DTWD1: variants seen among roughly 807,000 people sequenced by gnomAD.
DTWD1 encodes tRNA-uridine aminocarboxypropyltransferase 1.
In DTWD1, 27 loss-of-function variants were observed where a neutral mutation model predicts 30.2. The observed-to-expected ratio is 0.90, with a 90% CI of 0.66 to 1.23. The LOEUF (loss-of-function observed/expected upper bound fraction) is 1.23. DTWD1 is among the 50% of genes most tolerant of loss of function. The pLI, the probability that DTWD1 is intolerant of heterozygous loss-of-function variation, is 0.00. For missense variants in DTWD1, 342 were observed against 348.8 expected (o/e 0.98, Z 0.15); for synonymous variants, 99 against 113.1 (o/e 0.88, Z 0.79).
rs2079166692 is a variant in DTWD1 at position 49,654,033 on chromosome 15, A to G, written c.*10455A>G. On this transcript the variant is annotated 3_prime_UTR_variant, in exon 5 of 5. Coordinates refer to ENST00000403028, the MANE Select transcript of DTWD1 (RefSeq NM_001144955.2). ...TTGGTGTAGGGGGACCCTGAAAACA[A>G]TTTAATTTTATGCTTCCTGTTTCCT... 6.6e-6 allele frequency: 1 copy of G among 152,054 alleles called. No homozygotes were observed. The highest frequency in any genetic ancestry group is 1.5e-5 in the Non-Finnish European group (1 of 67,994). 9.4% of individuals were successfully genotyped at this position (152,054 alleles called of 1,614,324 possible).
intron 1 of DTWD1, 35 bp from the exon 2 acceptor site, chr15:49,625,078 T>A (rs1307268979): frequency 7.7e-7 from 1 of 1,299,636 alleles, no homozygotes; most frequent in Non-Finnish European, 1.1e-6. Flanking sequence ...TTTTCTGTTT[T>A]TATTTTTCCT....
chr15:49,627,973 T>C (rs2078866529), intron 2 of DTWD1, among the ~76,000 whole-genome samples: 1 of 152,246 alleles, frequency 6.6e-6, no homozygotes, highest in South Asian at 2.1e-4. Flanking sequence ...TTTAAAAAAC[T>C]TGTGATAACA....
chr15:49,634,755 A>G lies in DTWD1; in HGVS notation c.628A>G (p.Asn210Asp). ...KKIIFIDSTW[N>D]QTNKIFTDER... ...AATTATATTTATAGATAGCACCTGG[A>G]ACCAAACAAACAAAATATTCACTGA... The change falls in exon 4 of 5, where the codon AAC becomes GAC. Residue 210 changes from asparagine (N) to aspartate (D), a missense_variant. By Grantham distance (23) the Asn-to-Asp change is conservative. Coordinates refer to ENST00000403028, the MANE Select transcript of DTWD1 (RefSeq NM_001144955.2). 6.3e-7 allele frequency: 1 copy of G among 1,594,244 alleles called. No homozygotes were observed. The highest frequency in any genetic ancestry group is 8.5e-7 in the Non-Finnish European group (1 of 1,172,662).
In DTWD1 at chr15:49,647,585, A is replaced by T. The variant is rs1276289459; in HGVS notation, c.*4007A>T. The T allele has an allele frequency of 1.3e-5, 2 of 152,170 alleles. No individual in the cohort carries two copies. Among genetic ancestry groups the T allele is most frequent in the Non-Finnish European group, 2.9e-5 (2 of 68,014 alleles). 9.4% of individuals were successfully genotyped at this position (152,170 alleles called of 1,614,324 possible). On this transcript the variant is annotated 3_prime_UTR_variant, in exon 5 of 5. Coordinates refer to ENST00000403028, the MANE Select transcript of DTWD1 (RefSeq NM_001144955.2). ...TTCCATGTTACTGGAAGCATTAATT[A>T]TAGCAACTTTTTATCTCCAAATACT...
chr15:49,643,590 C>A lies in DTWD1; in HGVS notation c.*12C>A. The A allele has an allele frequency of 6.4e-7, 1 of 1,560,842 alleles. No individual in the cohort carries two copies. The highest frequency in any genetic ancestry group is 8.6e-7 in the Non-Finnish European group (1 of 1,158,502). ...AACTTACACATTAGTTTTTAACAAG[C>A]CACTTATGTCTTTTTATTTTGCTAA... On this transcript the variant is annotated 3_prime_UTR_variant, in exon 5 of 5. Coordinates refer to ENST00000403028, the MANE Select transcript of DTWD1 (RefSeq NM_001144955.2).
At chr15:49,640,539 A>G (rs1470733218) in intron 4 of DTWD1, among the ~76,000 whole-genome samples, 1 of 152,106 alleles carries the variant, frequency 6.6e-6, no homozygotes, top group African/African-American at 2.4e-5. Flanking sequence ...ATACAAAGGA[A>G]TATTTCCATC....
rs1339111819 is a variant in DTWD1, at chr15:49,647,589, CA to C, written c.*4013del. On this transcript the variant is annotated 3_prime_UTR_variant, in exon 5 of 5. Coordinates refer to ENST00000403028, the MANE Select transcript of DTWD1 (RefSeq NM_001144955.2). ...ATGTTACTGGAAGCATTAATTATAG[CA>C]ACTTTTTATCTCCAAATACTGACAA... 6.6e-6 allele frequency: 1 copy of C among 152,048 alleles called. No homozygotes were observed. Among genetic ancestry groups the C allele is most frequent in the African/African-American group, 2.4e-5 (1 of 41,402 alleles). The allele number at this position is 152,048 out of a possible 1,614,324, so 9.4% of individuals were successfully genotyped here.
chr15:49,625,355 G>A lies in DTWD1; in HGVS notation c.188G>A (p.Gly63Asp). ...AGATCAAAATGTCTCAAATGTGGTGGTTCCAGAATGTTCTACTGCTATACA... is the reference window on the plus strand; with the variant it reads ...AGATCAAAATGTCTCAAATGTGGTGATTCCAGAATGTTCTACTGCTATACA... ...SGRSKCLKCG[G>D]SRMFYCYTCY... Residue 63 changes from glycine to aspartate, a missense_variant, in exon 2 of 5, where the codon GGT becomes GAT. Coordinates refer to ENST00000403028, the MANE Select transcript of DTWD1 (RefSeq NM_001144955.2). 1 of 1,613,642 alleles carries A rather than the reference G, an allele frequency of 6.2e-7. No homozygotes were observed. Among genetic ancestry groups the A allele is most frequent in the South Asian group, 1.1e-5 (1 of 91,050 alleles).
chr15:49,635,500 T>G (rs1330831109), intron 4 of DTWD1, among the ~76,000 whole-genome samples: 1 of 152,128 alleles, frequency 6.6e-6, no homozygotes, highest in Non-Finnish European at 1.5e-5. Flanking sequence ...TGTTGTTGTT[T>G]GTTTGTTTGT....
Position 49,634,698 on chromosome 15 carries a change from G to T in DTWD1, c.571G>T (p.Asp191Tyr). 4.3e-6 allele frequency: 7 copies of T among 1,613,520 alleles called. No individual in the cohort carries two copies. Among genetic ancestry groups the T allele is most frequent in the Non-Finnish European group, 5.9e-6 (7 of 1,179,728 alleles). Residue 191 changes from aspartate (D) to tyrosine (Y), a missense_variant, in exon 4 of 5, where the codon GAC becomes TAC. Physicochemically the swap from Asp to Tyr is radical, Grantham distance 160. Coordinates refer to ENST00000403028, the MANE Select transcript of DTWD1 (RefSeq NM_001144955.2). ...TEEQEFCDLN[D>Y]SKCKGTTLKK... ...AGAACAAGAGTTCTGTGATTTGAATGACAGCAAGTGCAAAGGCACAACACT... is the reference window on the plus strand; with the variant it reads ...AGAACAAGAGTTCTGTGATTTGAATTACAGCAAGTGCAAAGGCACAACACT...
chr15:49,637,432 T>C (rs1413356906), intron 4 of DTWD1, among the ~76,000 whole-genome samples: 1 of 152,194 alleles, frequency 6.6e-6, no homozygotes, highest in East Asian at 1.9e-4. Flanking sequence ...ATAGTTTCTT[T>C]TAATAGGAAA....
intron 4 of DTWD1, among the ~76,000 whole-genome samples, chr15:49,638,059 A>G (rs1219540217): frequency 2.0e-5 from 3 of 152,208 alleles, no homozygotes; most frequent in African/African-American, 7.2e-5. Flanking sequence ...TCTTTGAAAG[A>G]GAGAAAGGGA....
intron 4 of DTWD1, 133 bp downstream of exon 4, chr15:49,634,927 C>T: frequency 1.3e-6 from 1 of 783,936 alleles, no homozygotes; most frequent in Non-Finnish European, 1.9e-6. Flanking sequence ...TTATTTCTCT[C>T]TTTTTATTAT....
chr15:49,645,052 A>G lies in DTWD1; in HGVS notation c.*1474A>G, dbSNP rs766720560. On this transcript the variant is annotated 3_prime_UTR_variant, in exon 5 of 5. Transcript: ENST00000403028. ...TCTTGGTGAAATTAGTTTGCTGTACATTACGTTGTTTCCCTCCCAGGGATT... is the reference window on the plus strand; with the variant it reads ...TCTTGGTGAAATTAGTTTGCTGTACGTTACGTTGTTTCCCTCCCAGGGATT... The G allele has an allele frequency of 3.9e-5, 6 of 152,138 alleles. No individual in the cohort carries two copies. Among genetic ancestry groups the G allele is most frequent in the Non-Finnish European group, 5.9e-5 (4 of 68,022 alleles). 9.4% of individuals were successfully genotyped at this position (152,138 alleles called of 1,614,324 possible).
intron 2 of DTWD1, chr15:49,626,966 C>T (rs771924743): frequency 2.1e-5 from 5 of 237,320 alleles, no homozygotes; most frequent in Middle Eastern, 1.7e-3. Context: ...TTGAAGTATA[C>T]GTAGAATTAT....
intron 2 of DTWD1, among the ~76,000 whole-genome samples, chr15:49,628,428 T>G (rs1158173548): frequency 1.3e-5 from 2 of 152,236 alleles, no homozygotes; most frequent in African/African-American, 2.4e-5. Context: ...TAGCATGCTT[T>G]TATATGACTG....
chr15:49,634,900 A>G, intron 4 of DTWD1, 106 bp downstream of exon 4: 2 of 997,590 alleles, frequency 2.0e-6, no homozygotes, highest in Non-Finnish European at 2.8e-6. Flanking sequence ...ATACCTATAC[A>G]TTTTGCCATA....
Position 49,644,399 on chromosome 15 carries a change from AAGAG to A in DTWD1, c.*825_*828del, listed in dbSNP as rs2079101010. The A allele has an allele frequency of 6.6e-6, 1 of 152,102 alleles. No homozygotes were observed. Among genetic ancestry groups the A allele is most frequent in the African/African-American group, 2.4e-5 (1 of 41,420 alleles). 9.4% of individuals were successfully genotyped at this position (152,102 alleles called of 1,614,324 possible). A position where few individuals can be genotyped will look rare whatever the true frequency, so the allele number is the denominator to read the frequency against. On this transcript the variant is annotated 3_prime_UTR_variant, in exon 5 of 5. Coordinates refer to ENST00000403028, the MANE Select transcript of DTWD1 (RefSeq NM_001144955.2). ...CGAAGGAAAGCAGAGTGGAGAGAAA[AAGAG>A]AGACTGAGTCCTGATGACATCATTT... is the stretch of plus-strand genomic sequence containing the variant.
At position 49,654,925 on chromosome 15, in the gene DTWD1, T is replaced by G. The variant is rs966732312; in HGVS notation, c.*11347T>G. ...TTTAGTGGGCGCTCCCTTCCTGGTTTGCAGACAGCCATCTTCCTGCTATAT... is the reference window on the plus strand; with the variant it reads ...TTTAGTGGGCGCTCCCTTCCTGGTTGGCAGACAGCCATCTTCCTGCTATAT... On this transcript the variant is annotated 3_prime_UTR_variant, in exon 5 of 5. Coordinates refer to ENST00000403028, the MANE Select transcript of DTWD1 (RefSeq NM_001144955.2). 3.9e-5 allele frequency: 6 copies of G among 152,084 alleles called. No homozygotes were observed. Among genetic ancestry groups the G allele is most frequent in the Non-Finnish European group, 8.8e-5 (6 of 67,988 alleles). 9.4% of individuals were successfully genotyped at this position (152,084 alleles called of 1,614,324 possible). A position where few individuals can be genotyped will look rare whatever the true frequency, so the allele number is the denominator to read the frequency against.
Sources: gnomAD v4.1 joint callset for allele counts (sites outside exome capture counted in the v4.1 genomes callset) on GRCh38, gnomAD v4.1.1 for gene constraint, MANE v1.5 for transcripts, NCBI Gene and HGNC (gene_info 2026-07-23, HGNC 2026-07-21) for gene names.